The following VAV3 variants were observed in gnomAD, a reference collection of about 807,000 sequenced individuals.
VAV3 encodes the protein guanine nucleotide exchange factor VAV3.
In VAV3, 94 loss-of-function variants were observed where a neutral mutation model predicts 131.2. The observed-to-expected ratio is 0.72, with a 90% CI of 0.61 to 0.85. VAV3 has a LOEUF of 0.85. Among genes scored for constraint, VAV3 ranks in the 40% least tolerant of loss-of-function variants. The pLI is 0.00. For synonymous variants in VAV3, 349 were observed against 342.0 expected (o/e 1.02, Z -0.22); for missense variants, 939 against 1,002.7 (o/e 0.94, Z 0.86).
At chr1:107,637,588 A>G (rs926940085) in intron 20 of VAV3, among the ~76,000 whole-genome samples, 2 of 152,130 alleles carry the variant, frequency 1.3e-5, no homozygotes, top group African/African-American at 4.8e-5. Flanking sequence ...CCGCCGCTGC[A>G]CTCCAGCCTC....
At chr1:107,732,706 CG>C in intron 15 of VAV3, among the ~76,000 whole-genome samples, 1 of 152,100 alleles carries the variant, frequency 6.6e-6, no homozygotes, top group Admixed American at 6.6e-5. Context: ...ACAAAGTGGC[CG>C]GGAAGCTCGA....
Position 107,757,343 on chromosome 1 carries a change from A to G in VAV3, c.1018-14T>C, listed in dbSNP as rs893849398. On this transcript the variant is annotated splice_polypyrimidine_tract_variant and intron_variant, in intron 10 of 26. Transcript: ENST00000370056. ...TTTGACCAGTTCCTATTTGGAAGAT[A>G]TGGTTTAGTACTACTTTCATCAAAT... The G allele has an allele frequency of 6.2e-7, 1 of 1,607,126 alleles. No homozygotes were observed. Among genetic ancestry groups the G allele is most frequent in the African/African-American group, 1.3e-5 (1 of 74,738 alleles).
chr1:107,925,564 T>C (rs1673110166), intron 1 of VAV3, among the ~76,000 whole-genome samples: 1 of 151,980 alleles, frequency 6.6e-6, no homozygotes, highest in Non-Finnish European at 1.5e-5. Context: ...TTATGCTAAG[T>C]GAAATAAGCT....
chr1:107,875,767 G>T (rs1226826168), intron 1 of VAV3, among the ~76,000 whole-genome samples: 3 of 152,192 alleles, frequency 2.0e-5, no homozygotes, highest in Non-Finnish European at 4.4e-5. Flanking sequence ...AAAGGGGCCG[G>T]AGCTAGGGTG....
chr1:107,583,206 G>T (rs1031701742), intron 25 of VAV3, among the ~76,000 whole-genome samples: 1 of 152,104 alleles, frequency 6.6e-6, no homozygotes, highest in Non-Finnish European at 1.5e-5. Context: ...CTGCATAAAT[G>T]TCTTCTTTTG....
intron 17 of VAV3, among the ~76,000 whole-genome samples, chr1:107,698,285 C>T (rs184301758): frequency 3.3e-5 from 5 of 152,226 alleles, no homozygotes; most frequent in South Asian, 2.1e-4. Context: ...GATATTTTCC[C>T]GGGCGAGCAA....
At chr1:107,693,197 T>C (rs1659538629) in intron 17 of VAV3, among the ~76,000 whole-genome samples, 1 of 152,104 alleles carries the variant, frequency 6.6e-6, no homozygotes, top group Admixed American at 6.5e-5. Flanking sequence ...GTGTTGATCA[T>C]TGAGGTTGCC....
chr1:107,810,319 C>T (rs1667256126), intron 2 of VAV3, among the ~76,000 whole-genome samples: 1 of 152,042 alleles, frequency 6.6e-6, no homozygotes, highest in African/African-American at 2.4e-5. Flanking sequence ...GACCACAAGG[C>T]AATGAGGACA....
intron 7 of VAV3, among the ~76,000 whole-genome samples, chr1:107,767,409 T>C (rs1664795394): frequency 6.6e-6 from 1 of 152,194 alleles, no homozygotes; most frequent in Admixed American, 6.5e-5. Context: ...GTGTAGAAAG[T>C]AAACATGAAG....
At chr1:107,862,937 A>C (rs1240235153) in intron 2 of VAV3, among the ~76,000 whole-genome samples, 3 of 152,206 alleles carry the variant, frequency 2.0e-5, no homozygotes, top group Non-Finnish European at 4.4e-5. Context: ...GATAATCAGT[A>C]AATACCAAAA....
chr1:107,799,604 G>A (rs950597621), intron 2 of VAV3, among the ~76,000 whole-genome samples: 3 of 151,808 alleles, frequency 2.0e-5, no homozygotes, highest in Non-Finnish European at 2.9e-5. Context: ...AGTACATGCT[G>A]TAATTTGATA....
At chr1:107,903,479 C>G (rs895552534) in intron 1 of VAV3, among the ~76,000 whole-genome samples, 2 of 152,052 alleles carry the variant, frequency 1.3e-5, no homozygotes, top group African/African-American at 4.8e-5. Flanking sequence ...TGCATTTGAC[C>G]TCCAACTCTA....
At chr1:107,719,102 C>T (rs1661319053) in intron 15 of VAV3, among the ~76,000 whole-genome samples, 2 of 152,290 alleles carry the variant, frequency 1.3e-5, no homozygotes, top group African/African-American at 4.8e-5. Flanking sequence ...ACCATAAAAA[C>T]CCTAGAAGAA....
intron 1 of VAV3, among the ~76,000 whole-genome samples, chr1:107,944,008 A>G (rs1195253434): frequency 6.6e-6 from 1 of 152,198 alleles, no homozygotes; most frequent in Non-Finnish European, 1.5e-5. Flanking sequence ...CATCACAAAC[A>G]GCTGTGCCTG....
At chr1:107,877,261 C>T (rs1353362592) in intron 1 of VAV3, among the ~76,000 whole-genome samples, 1 of 152,096 alleles carries the variant, frequency 6.6e-6, no homozygotes, top group African/African-American at 2.4e-5. Context: ...GATTAAAAGC[C>T]TTGTATTCTA....
At chr1:107,753,977 T>G (rs1663942620) in intron 12 of VAV3, among the ~76,000 whole-genome samples, 1 of 152,188 alleles carries the variant, frequency 6.6e-6, no homozygotes, top group Non-Finnish European at 1.5e-5. Flanking sequence ...TTATTTTAGA[T>G]GCACCTTGAA....
At chr1:107,928,229 G>A (rs1006658540) in intron 1 of VAV3, among the ~76,000 whole-genome samples, 3 of 152,108 alleles carry the variant, frequency 2.0e-5, no homozygotes, top group African/African-American at 7.2e-5. Context: ...TCCTAATGCA[G>A]ATACAGCCTA....
At chr1:107,790,915 T>C (rs1379074719) in intron 2 of VAV3, among the ~76,000 whole-genome samples, 1 of 152,056 alleles carries the variant, frequency 6.6e-6, no homozygotes, top group African/African-American at 2.4e-5. Flanking sequence ...CTCAAACTCC[T>C]GACCTCATGA....
chr1:107,785,521 G>T, intron 2 of VAV3: 1 of 1,293,164 alleles, frequency 7.7e-7, no homozygotes. Context: ...TGCAAGACGA[G>T]CTTGGGGGTT....
Sources: gnomAD v4.1 joint callset for allele counts (sites outside exome capture counted in the v4.1 genomes callset) on GRCh38, gnomAD v4.1.1 for gene constraint, MANE v1.5 for transcripts, NCBI Gene and HGNC (gene_info 2026-07-23, HGNC 2026-07-21) for gene names.